The following ITGA2 variants were observed in gnomAD, a reference collection of about 807,000 sequenced individuals.
ITGA2 encodes integrin alpha-2.
ITGA2 carries 101 observed loss-of-function variants against 146.3 expected under a neutral mutation model. The observed-to-expected ratio is 0.69, with a 90% CI of 0.59 to 0.81. The LOEUF is 0.81. Among genes scored for constraint, ITGA2 ranks in the 40% least tolerant of loss-of-function variants. The pLI, the probability that ITGA2 is intolerant of heterozygous loss-of-function variation, is 0.00. For missense variants in ITGA2, 1,281 were observed against 1,402.7 expected (o/e 0.91, Z 1.39); for synonymous variants, 477 against 487.1 (o/e 0.98, Z 0.27).
intron 9 of ITGA2, among the ~76,000 whole-genome samples, chr5:53,057,740 G>A (rs771802545): frequency 6.6e-6 from 1 of 151,892 alleles, no homozygotes; most frequent in Non-Finnish European, 1.5e-5. Context: ...TTGGTATCAA[G>A]AACGTCATAC....
At chr5:53,016,144 A>T (rs2111766047) in intron 1 of ITGA2, among the ~76,000 whole-genome samples, 1 of 152,320 alleles carries the variant, frequency 6.6e-6, no homozygotes, top group East Asian at 1.9e-4. Flanking sequence ...GCTGATTGTT[A>T]TACAGACTTG....
chr5:53,059,010 A>G (rs1744782339), intron 10 of ITGA2, among the ~76,000 whole-genome samples: 1 of 151,890 alleles, frequency 6.6e-6, no homozygotes, highest in African/African-American at 2.4e-5. Flanking sequence ...CTTATCCTCA[A>G]AGTAGAACAC....
At chr5:53,009,039 G>A (rs558236340) in intron 1 of ITGA2, among the ~76,000 whole-genome samples, 2 of 152,056 alleles carry the variant, frequency 1.3e-5, no homozygotes, top group African/African-American at 2.4e-5. Context: ...TGCACACAGT[G>A]GGGTGCAAGA....
intron 2 of ITGA2, among the ~76,000 whole-genome samples, chr5:53,040,305 A>G (rs1207199923): frequency 1.3e-5 from 2 of 152,190 alleles, no homozygotes; most frequent in African/African-American, 4.8e-5. Flanking sequence ...CAAAAATCAG[A>G]GTTAATGCTG....
At chr5:53,044,536 G>T (rs3212459) in intron 3 of ITGA2, among the ~76,000 whole-genome samples, 1 of 151,592 alleles carries the variant, frequency 6.6e-6, no homozygotes, top group Admixed American at 6.6e-5. Flanking sequence ...TATATGACTC[G>T]TCTAATTTCC....
At position 53,011,640 on chromosome 5, in the gene ITGA2, A is replaced by G. The variant is rs748535490; in HGVS notation, c.65-15108A>G. On this transcript the variant is annotated intron_variant, in intron 1 of 29. Transcript: ENST00000296585. ...GTTTCTCTCTAAAATATAAGTATAA[A>G]ATATTTTCCCCATTAAATAATAAAT... 2.6e-5 allele frequency among the ~76,000 whole-genome samples: 4 copies of G among 152,154 alleles called. No homozygotes were observed. In the East Asian group the frequency reaches 7.7e-4, roughly 29 times the overall value.
chr5:53,067,561 G>A lies in ITGA2; in HGVS notation c.2083+304G>A, dbSNP rs1475864691. On this transcript the variant is annotated intron_variant, in intron 16 of 29. Transcript: ENST00000296585. Reference sequence around the variant, plus strand: ...CTCCATTTCTCTTACTTAAAACCTTGAGCATACACAGATTATGCTGAACTG... The same window carrying A: ...CTCCATTTCTCTTACTTAAAACCTTAAGCATACACAGATTATGCTGAACTG... Among the ~76,000 whole-genome samples the A allele has an allele frequency of 2.6e-5, 4 of 151,830 alleles. No homozygotes were observed. In the East Asian group the frequency reaches 5.9e-4, roughly 22 times the overall value.
chr5:53,051,237 A>G (rs1744345524), intron 6 of ITGA2, among the ~76,000 whole-genome samples, 174 bp from the exon 7 acceptor site: 5 of 152,216 alleles, frequency 3.3e-5, no homozygotes, highest in Admixed American at 3.3e-4. Flanking sequence ...GGCCTCTAAC[A>G]GAGAAGAAAT....
chr5:53,014,318 G>T (rs1270160105), intron 1 of ITGA2, among the ~76,000 whole-genome samples: 1 of 152,054 alleles, frequency 6.6e-6, no homozygotes, highest in Non-Finnish European at 1.5e-5. Context: ...AAAGGATGTT[G>T]AATTTTATCG....
intron 3 of ITGA2, among the ~76,000 whole-genome samples, chr5:53,043,720 CA>C (rs1743918828): frequency 6.6e-6 from 1 of 151,942 alleles, no homozygotes. Flanking sequence ...ATGGAGGCAG[CA>C]GTAAAAAGGG....
intron 8 of ITGA2, 143 bp from the exon 9 acceptor site, chr5:53,055,841 C>A: frequency 8.0e-7 from 1 of 1,242,934 alleles, no homozygotes; most frequent in South Asian, 1.2e-5. Flanking sequence ...GATTTTCAAT[C>A]CTGTCTACTA....
intron 16 of ITGA2, among the ~76,000 whole-genome samples, chr5:53,068,069 G>A (rs1368405810): frequency 6.6e-6 from 1 of 151,820 alleles, no homozygotes; most frequent in Non-Finnish European, 1.5e-5. Context: ...TCAGAATTTG[G>A]CTTTAAACTT....
intron 2 of ITGA2, among the ~76,000 whole-genome samples, chr5:53,037,637 G>A (rs774278220): frequency 2.0e-5 from 3 of 152,130 alleles, no homozygotes; most frequent in Non-Finnish European, 4.4e-5. Context: ...GGATTTCACC[G>A]AGGCCTTAGG....
chr5:53,051,630 AAG>A, intron 7 of ITGA2, 71 bp downstream of exon 7: 1 of 1,450,434 alleles, frequency 6.9e-7, no homozygotes, highest in Non-Finnish European at 9.6e-7. Flanking sequence ...AAATATGAAA[AAG>A]TAAGGAAAAG....
chr5:53,014,430 T>G (rs1742303684), intron 1 of ITGA2, among the ~76,000 whole-genome samples: 1 of 152,224 alleles, frequency 6.6e-6, no homozygotes, highest in Non-Finnish European at 1.5e-5. Context: ...TGCACCAACT[T>G]GCATCCGAGG....
intron 2 of ITGA2, among the ~76,000 whole-genome samples, chr5:53,034,065 C>T (rs1420055677): frequency 1.3e-5 from 2 of 151,952 alleles, no homozygotes; most frequent in Non-Finnish European, 2.9e-5. Context: ...CCTGGCCCTC[C>T]TTTTATTTTA....
intron 1 of ITGA2, among the ~76,000 whole-genome samples, chr5:53,004,894 GTTTTTTTTTTTTTTTTTTTTTTTTT>G (rs548541753): frequency 2.3e-4 from 13 of 55,946 alleles, no homozygotes; most frequent in African/African-American, 9.3e-4. Context: ...TAGTTGCTTT[GTTTTTTTTTTTTTTTTTTTTTTTTT>G]TTTTTTTTTT....
chr5:53,090,135 C>G (rs1740340145), intron 29 of ITGA2, 73 bp downstream of exon 29: 3 of 909,162 alleles, frequency 3.3e-6, no homozygotes, highest in Non-Finnish European at 5.5e-6. Flanking sequence ...AAAACATCAA[C>G]TTCAGGTTTT....
intron 1 of ITGA2, 143 bp downstream of exon 1, chr5:52,989,675 G>C: frequency 1.2e-6 from 1 of 840,522 alleles, no homozygotes; most frequent in African/African-American, 1.7e-5. Flanking sequence ...CCAGCCACCA[G>C]GACCTGCTTG....
Sources: allele counts gnomAD v4.1 joint callset (sites outside exome capture counted in the v4.1 genomes callset), GRCh38; gene constraint gnomAD v4.1.1; transcripts MANE v1.5; gene names NCBI Gene and HGNC (gene_info 2026-07-23, HGNC 2026-07-21).